PRR5L: variants seen among roughly 807,000 people sequenced by gnomAD.
The protein encoded by PRR5L is proline rich 5 like.
PRR5L carries 21 observed loss-of-function variants against 36.4 expected under a neutral mutation model. That is an observed-to-expected ratio of 0.58 (90% CI 0.41 to 0.83). The LOEUF is 0.83. Ranked by LOEUF, PRR5L falls within the 40% of genes least tolerant of loss-of-function variation. The pLI, the probability that PRR5L is intolerant of heterozygous loss-of-function variation, is 0.00. For missense variants in PRR5L, 381 were observed against 473.3 expected, an observed-to-expected ratio of 0.80 and a Z score of 1.81; for synonymous variants, 188 against 197.0, an observed-to-expected ratio of 0.95 and a Z score of 0.38.
intron 5 of PRR5L, among the ~76,000 whole-genome samples, chr11:36,433,951 A>G (rs970881968): frequency 1.3e-5 from 2 of 152,216 alleles, no homozygotes; most frequent in African/African-American, 2.4e-5. Context: ...TATGTATGTT[A>G]TCTGGGGAGT....
intron 1 of PRR5L, among the ~76,000 whole-genome samples, chr11:36,326,302 TAC>T (rs3083243): frequency 0.1 from 14,834 of 147,296 alleles, 729 homozygotes; most frequent in African/African-American, 0.11. Flanking sequence ...CCCCAATAGA[TAC>T]ACACACACAC....
At chr11:36,340,658 A>G (rs954622847) in intron 1 of PRR5L, among the ~76,000 whole-genome samples, 2 of 152,150 alleles carry the variant, frequency 1.3e-5, no homozygotes, top group African/African-American at 4.8e-5. Flanking sequence ...TTACCTCTCA[A>G]TACAGAGAAT....
chr11:36,340,623 G>A (rs1234257149), intron 1 of PRR5L, among the ~76,000 whole-genome samples: 1 of 152,158 alleles, frequency 6.6e-6, no homozygotes, highest in Non-Finnish European at 1.5e-5. Flanking sequence ...TGGCTTCAGA[G>A]TCTTTGCTTT....
intron 1 of PRR5L, among the ~76,000 whole-genome samples, chr11:36,342,957 A>G (rs1856831087): frequency 6.6e-6 from 1 of 152,214 alleles, no homozygotes; most frequent in Admixed American, 6.5e-5. Flanking sequence ...TTTAGAACAG[A>G]CTTCAATAAG....
chr11:36,426,646 C>T (rs1858389007), intron 4 of PRR5L, among the ~76,000 whole-genome samples: 1 of 152,174 alleles, frequency 6.6e-6, no homozygotes, highest in Non-Finnish European at 1.5e-5. Context: ...CTTCTTTGAG[C>T]CTCAAGTTCT....
chr11:36,459,436 T>C (rs6484858), intron 8 of PRR5L, among the ~76,000 whole-genome samples: 84,619 of 152,048 alleles, frequency 0.56, 25,651 homozygotes, highest in East Asian at 0.79. Context: ...GAGGCTTCAG[T>C]TATCTGAGTT....
At chr11:36,352,813 C>T (rs1856989695) in intron 1 of PRR5L, among the ~76,000 whole-genome samples, 1 of 152,150 alleles carries the variant, frequency 6.6e-6, no homozygotes, top group Admixed American at 6.5e-5. Context: ...AACCTCAGCA[C>T]TATTGACTTT....
chr11:36,325,395 T>G (rs1349695142), intron 1 of PRR5L, among the ~76,000 whole-genome samples: 1 of 152,140 alleles, frequency 6.6e-6, no homozygotes, highest in Admixed American at 6.5e-5. Flanking sequence ...GAGCGAAAGC[T>G]CAGCTCGAGC....
At chr11:36,388,395 G>A (rs1281947546) in intron 1 of PRR5L, 1 of 152,106 alleles carries the variant, frequency 6.6e-6, no homozygotes, top group African/African-American at 2.4e-5. Flanking sequence ...AGGAGGTTAG[G>A]GGAGTCACTA....
At chr11:36,440,983 G>A (rs182587111) in intron 6 of PRR5L, among the ~76,000 whole-genome samples, 1 of 152,288 alleles carries the variant, frequency 6.6e-6, no homozygotes, top group Non-Finnish European at 1.5e-5. Context: ...GCACCAAGCT[G>A]TTCATGAGGG....
At chr11:36,366,200 TC>T (rs2133506665) in intron 1 of PRR5L, among the ~76,000 whole-genome samples, 1 of 152,330 alleles carries the variant, frequency 6.6e-6, no homozygotes, top group Non-Finnish European at 1.5e-5. Context: ...CTAAGCTGTT[TC>T]TTTTAATCTC....
chr11:36,402,784 A>G (rs559621231), intron 2 of PRR5L, among the ~76,000 whole-genome samples: 1 of 152,294 alleles, frequency 6.6e-6, no homozygotes, highest in South Asian at 2.1e-4. Flanking sequence ...CTGCCGGTAC[A>G]CCTCACACGA....
intron 1 of PRR5L, among the ~76,000 whole-genome samples, chr11:36,381,880 C>G (rs763386859): frequency 1.3e-5 from 2 of 151,864 alleles, no homozygotes; most frequent in Admixed American, 1.3e-4. Context: ...CCCCACCAGC[C>G]GGGCGCGGTG....
chr11:36,319,962 T>G (rs1031616424), intron 1 of PRR5L, among the ~76,000 whole-genome samples: 1 of 152,162 alleles, frequency 6.6e-6, no homozygotes, highest in Non-Finnish European at 1.5e-5. Context: ...GTTGTTTCTG[T>G]AGGGAAAATT....
At chr11:36,313,661 AAAGCC>A (rs752370440) in intron 1 of PRR5L, among the ~76,000 whole-genome samples, 1 of 152,180 alleles carries the variant, frequency 6.6e-6, no homozygotes, top group African/African-American at 2.4e-5. Flanking sequence ...CCTGTATGAA[AAAGCC>A]AAGCACCTCA....
intron 1 of PRR5L, among the ~76,000 whole-genome samples, chr11:36,361,227 T>C (rs1857084353): frequency 6.6e-6 from 1 of 152,220 alleles, no homozygotes; most frequent in Non-Finnish European, 1.5e-5. Context: ...GGCATTGGTA[T>C]TGCAACAGAC....
At chr11:36,320,145 T>C (rs1856598643) in intron 1 of PRR5L, among the ~76,000 whole-genome samples, 1 of 152,076 alleles carries the variant, frequency 6.6e-6, no homozygotes, top group African/African-American at 2.4e-5. Context: ...TCGTCGTACC[T>C]CTGCCCCTAC....
chr11:36,306,744 T>A (rs780317273), intron 1 of PRR5L, among the ~76,000 whole-genome samples: 12 of 152,110 alleles, frequency 7.9e-5, no homozygotes, highest in Non-Finnish European at 1.5e-4. Flanking sequence ...CTTTTCCTTT[T>A]CATAGCAACC....
intron 1 of PRR5L, among the ~76,000 whole-genome samples, chr11:36,311,937 G>A (rs1404013790): frequency 6.6e-6 from 1 of 152,164 alleles, no homozygotes; most frequent in Non-Finnish European, 1.5e-5. Flanking sequence ...GTAACTCTAT[G>A]TAGCTATAAA....
Sources: gnomAD v4.1 joint callset for allele counts (sites outside exome capture counted in the v4.1 genomes callset) on GRCh38, gnomAD v4.1.1 for gene constraint, MANE v1.5 for transcripts, NCBI Gene and HGNC (gene_info 2026-07-23, HGNC 2026-07-21) for gene names.